Variants in SGCD observed in about 807,000 individuals in gnomAD.
SGCD encodes the protein sarcoglycan delta, also known as delta-sarcoglycan.
Under a neutral mutation model 36.6 loss-of-function variants are expected in SGCD, and 18 were observed. That is an observed-to-expected ratio of 0.49 (90% CI 0.34 to 0.73). The LOEUF is 0.73. SGCD is among the 30% of genes least tolerant of loss of function. The pLI, the probability that SGCD is intolerant of heterozygous loss-of-function variation, is 0.01. For synonymous variants in SGCD, 133 were observed against 130.6 expected, an observed-to-expected ratio of 1.02 and a Z score of -0.12; for missense variants, 387 against 346.7, an observed-to-expected ratio of 1.12 and a Z score of -0.92.
At chr5:156,440,467 T>A (rs1004619044) in intron 3 of SGCD, among the ~76,000 whole-genome samples, 2 of 152,152 alleles carry the variant, frequency 1.3e-5, no homozygotes, top group South Asian at 4.1e-4. Flanking sequence ...TGTTTTTAAT[T>A]CCCTTAAGCA....
At chr5:156,142,814 G>A (rs1762610634) in intron 3 of SGCD, among the ~76,000 whole-genome samples, 1 of 152,156 alleles carries the variant, frequency 6.6e-6, no homozygotes. Flanking sequence ...CCTGAAACTG[G>A]AATTTAAATG....
chr5:155,944,279 TG>T (rs1241093355), intron 1 of SGCD, among the ~76,000 whole-genome samples: 5 of 152,124 alleles, frequency 3.3e-5, no homozygotes, highest in Non-Finnish European at 7.4e-5. Context: ...GGGTTTTGTA[TG>T]GGGGGATAAA....
At chr5:156,270,998 AACTT>A (rs763155109) in intron 3 of SGCD, among the ~76,000 whole-genome samples, 2 of 152,184 alleles carry the variant, frequency 1.3e-5, no homozygotes, top group Non-Finnish European at 2.9e-5. Context: ...ATGGCAAAAA[AACTT>A]AAAGATGTCT....
chr5:156,212,011 A>G (rs935135421), intron 3 of SGCD, among the ~76,000 whole-genome samples: 8 of 152,222 alleles, frequency 5.3e-5, no homozygotes, highest in Non-Finnish European at 8.8e-5. Context: ...GACAAGAGGT[A>G]CACAAATGAT....
chr5:155,874,024 T>C (rs1184616350), intron 1 of SGCD, among the ~76,000 whole-genome samples: 1 of 152,146 alleles, frequency 6.6e-6, no homozygotes, highest in Non-Finnish European at 1.5e-5. Context: ...ATTTACACCA[T>C]TGCTCATATC....
At chr5:156,271,984 T>C (rs1414861443) in intron 3 of SGCD, among the ~76,000 whole-genome samples, 1 of 152,144 alleles carries the variant, frequency 6.6e-6, no homozygotes, top group Non-Finnish European at 1.5e-5. Flanking sequence ...CAGACGAAAA[T>C]GTCACTTGTC....
At chr5:156,730,265 G>A (rs1755988716) in intron 7 of SGCD, among the ~76,000 whole-genome samples, 1 of 152,070 alleles carries the variant, frequency 6.6e-6, no homozygotes, top group Non-Finnish European at 1.5e-5. Flanking sequence ...TACAAGTACA[G>A]GTTTGTTACA....
At chr5:156,304,721 T>C (rs1466332193) in intron 3 of SGCD, among the ~76,000 whole-genome samples, 1 of 152,140 alleles carries the variant, frequency 6.6e-6, no homozygotes, top group African/African-American at 2.4e-5. Context: ...CTGGAAAATG[T>C]GGGAAAGTTT....
chr5:156,516,076 A>T lies in SGCD; in HGVS notation c.294+7374A>T, dbSNP rs1314532876. On this transcript the variant is annotated intron_variant, in intron 4 of 8. Transcript: ENST00000337851. ...GCTATGGTCTCCAGGCTCAGTAGTT[A>T]GTCTTTCCTGCCTGCTGGCTCTGAG... 2.0e-5 allele frequency among the ~76,000 whole-genome samples: 3 copies of T among 152,336 alleles called. No individual in the cohort carries two copies. In the East Asian group the frequency reaches 5.8e-4, roughly 29 times the overall value.
intron 6 of SGCD, among the ~76,000 whole-genome samples, chr5:156,614,129 T>G (rs1761938035): frequency 1.3e-5 from 2 of 152,148 alleles, no homozygotes; most frequent in South Asian, 4.1e-4. Flanking sequence ...GTATTTTTAG[T>G]AGAGATGGTT....
In SGCD at chr5:156,762,004, T is replaced by TA. The variant is rs1053117308; in HGVS notation, c.*2615dup. On this transcript the variant is annotated 3_prime_UTR_variant, in exon 9 of 9. Coordinates refer to ENST00000337851, the MANE Select transcript of SGCD (RefSeq NM_000337.6). The stretch of plus-strand genomic sequence containing the variant: ...ATTTTGTTCAGATTTTGGAAATTGG[T>TA]ATGCATTATAAGTTTCTCAATGTAC... 6.6e-6 allele frequency: 1 copy of TA among 152,612 alleles called. No individual in the cohort carries two copies. Among genetic ancestry groups the TA allele is most frequent in the African/African-American group, 2.4e-5 (1 of 41,448 alleles). 9.5% of individuals were successfully genotyped at this position (152,612 alleles called of 1,614,324 possible).
intron 3 of SGCD, among the ~76,000 whole-genome samples, chr5:156,447,176 A>T (rs1464287574): frequency 6.6e-6 from 1 of 152,184 alleles, no homozygotes; most frequent in Non-Finnish European, 1.5e-5. Context: ...AGATTAATTT[A>T]CACTCCTTCT....
Position 156,052,373 on chromosome 5 carries a change from G to T in SGCD, c.-281-65505G>T, listed in dbSNP as rs1464270728. Among the ~76,000 whole-genome samples, 2 of 146,232 alleles carry T rather than the reference G, an allele frequency of 1.4e-5. 1 individual carries two copies. Among genetic ancestry groups the T allele is most frequent in the Non-Finnish European group, 3.1e-5 (2 of 64,850 alleles). Reference sequence around the variant, plus strand: ...GAAAGGGGAGAGGCTGGCAGGGTTTGGTTCACACAAGGCTTTGTAGGTCAT... The same window carrying T: ...GAAAGGGGAGAGGCTGGCAGGGTTTTGTTCACACAAGGCTTTGTAGGTCAT... On this transcript the variant is annotated intron_variant, in intron 1 of 9. Coordinates refer to the SGCD transcript ENST00000517913.
intron 3 of SGCD, among the ~76,000 whole-genome samples, chr5:156,380,458 T>C (rs1481676893): frequency 6.6e-6 from 1 of 152,188 alleles, no homozygotes; most frequent in Non-Finnish European, 1.5e-5. Flanking sequence ...CAAGCACAGT[T>C]TTCAAGCACG....
chr5:156,190,258 AT>A (rs1451408634), intron 3 of SGCD, among the ~76,000 whole-genome samples: 2 of 152,188 alleles, frequency 1.3e-5, no homozygotes, highest in Non-Finnish European at 2.9e-5. Flanking sequence ...CAAGAAAATC[AT>A]CTAAAGTGTG....
intron 7 of SGCD, among the ~76,000 whole-genome samples, chr5:156,743,563 T>A (rs773834123): frequency 7.9e-5 from 12 of 150,964 alleles, no homozygotes; most frequent in South Asian, 2.1e-4. Flanking sequence ...ATTAACTAAA[T>A]CAACTAGCTC....
At chr5:156,487,241 T>C (rs1478693756) in intron 3 of SGCD, among the ~76,000 whole-genome samples, 1 of 152,160 alleles carries the variant, frequency 6.6e-6, no homozygotes. Context: ...GCAGACACCA[T>C]TCATTCTAAT....
intron 1 of SGCD, among the ~76,000 whole-genome samples, chr5:156,078,682 G>C (rs551673442): frequency 6.9e-6 from 1 of 144,694 alleles, no homozygotes. Context: ...ATATATATGC[G>C]TGTGTGTGTG....
intron 4 of SGCD, among the ~76,000 whole-genome samples, chr5:156,547,281 CT>C (rs1336856383): frequency 2.0e-5 from 3 of 152,132 alleles, no homozygotes; most frequent in Non-Finnish European, 4.4e-5. Context: ...CATAGCACCC[CT>C]GCCCCCTCTG....
Sources: allele counts gnomAD v4.1 joint callset (sites outside exome capture counted in the v4.1 genomes callset), GRCh38; gene constraint gnomAD v4.1.1; transcripts MANE v1.5; gene names NCBI Gene and HGNC (gene_info 2026-07-23, HGNC 2026-07-21).